The following CBR4 variants were observed in gnomAD, a reference collection of about 807,000 sequenced individuals.
CBR4 encodes 3-oxoacyl-[acyl-carrier-protein] reductase.
Under a neutral mutation model 21.0 loss-of-function variants are expected in CBR4, and 22 were observed. The ratio of observed to expected loss-of-function variants is 1.05; its 90% confidence interval spans 0.75 to 1.50. CBR4 has a LOEUF of 1.50. CBR4 is among the 40% of genes most tolerant of loss of function. The pLI, the probability that CBR4 is intolerant of heterozygous loss-of-function variation, is 0.00. For missense variants in CBR4, 302 were observed against 286.3 expected, an observed-to-expected ratio of 1.05 and a Z score of -0.40; for synonymous variants, 100 against 104.4, an observed-to-expected ratio of 0.96 and a Z score of 0.26.
At chr4:168,981,125 C>T (rs1405123222) in intron 2 of CBR4, among the ~76,000 whole-genome samples, 1 of 151,936 alleles carries the variant, frequency 6.6e-6, no homozygotes. Context: ...CCAGGCCAGG[C>T]GTGGTGGCTC....
At chr4:168,947,955 T>C (rs1037604106) in intron 2 of CBR4, among the ~76,000 whole-genome samples, 8 of 152,226 alleles carry the variant, frequency 5.3e-5, no homozygotes, top group African/African-American at 1.9e-4. Flanking sequence ...ATCTCCACAC[T>C]GTTTTTCATA....
At chr4:168,966,257 T>C (rs1764022099) in intron 2 of CBR4, among the ~76,000 whole-genome samples, 1 of 150,066 alleles carries the variant, frequency 6.7e-6, no homozygotes, top group Non-Finnish European at 1.5e-5. Flanking sequence ...CTCACGACTG[T>C]AATCCTAGCA....
Position 169,002,212 on chromosome 4 carries a change from CAAAAAAAAAAAAA to C in CBR4, c.401-20_401-8del, listed in dbSNP as rs60552620. 57 of 1,016,906 alleles carry C rather than the reference CAAAAAAAAAAAAA, an allele frequency of 5.6e-5. No homozygotes were observed. Among genetic ancestry groups the C allele is most frequent in the Admixed American group, 2.2e-4 (3 of 13,574 alleles). 63.0% of individuals were successfully genotyped at this position (1,016,906 alleles called of 1,614,324 possible). ...TTTAAGCCAACAATGCTTCCTAGGA[CAAAAAAAAAAAAA>C]AAAAAAAAAAAAGCGTATTAAATTC... On this transcript the variant is annotated splice_region_variant and splice_polypyrimidine_tract_variant and intron_variant, in intron 3 of 4. Transcript: ENST00000306193.
At chr4:168,916,664 A>C (rs1760164285) in intron 2 of CBR4, among the ~76,000 whole-genome samples, 1 of 147,534 alleles carries the variant, frequency 6.8e-6, no homozygotes, top group Admixed American at 6.8e-5. Context: ...TCTGACTTTT[A>C]TTCCTCCCAT....
intron 2 of CBR4, among the ~76,000 whole-genome samples, chr4:168,945,629 C>G (rs981199187): frequency 2.0e-5 from 3 of 151,948 alleles, no homozygotes; most frequent in Non-Finnish European, 2.9e-5. Context: ...TGAGGATTAT[C>G]TGATGGGAAA....
At chr4:168,996,410 T>C (rs1330372055) in intron 4 of CBR4, among the ~76,000 whole-genome samples, 1 of 118,772 alleles carries the variant, frequency 8.4e-6, no homozygotes, top group Non-Finnish European at 1.7e-5. Flanking sequence ...CCTTTTCACA[T>C]CACCCCCCCC....
chr4:168,990,807 C>G (rs1022004547), intron 4 of CBR4, among the ~76,000 whole-genome samples: 1 of 151,690 alleles, frequency 6.6e-6, no homozygotes, highest in Non-Finnish European at 1.5e-5. Flanking sequence ...AATCCCAGCA[C>G]TTTGGGAGGC....
intron 2 of CBR4, among the ~76,000 whole-genome samples, chr4:168,914,889 C>G (rs952140): frequency 0.15 from 22,711 of 152,210 alleles, 2,052 homozygotes; most frequent in African/African-American, 0.25. Flanking sequence ...GAAGACAGTT[C>G]TGGCACCAGA....
At chr4:168,935,769 C>T (rs1650521667) in intron 2 of CBR4, among the ~76,000 whole-genome samples, 1 of 152,216 alleles carries the variant, frequency 6.6e-6, no homozygotes, top group Non-Finnish European at 1.5e-5. Context: ...CAGTCAGGGG[C>T]TCATAGGGAA....
At position 168,959,561 on chromosome 4, in the gene CBR4, C is replaced by CT. The variant is rs750848079; in HGVS notation, n.169+42509dup. 7.6e-3 allele frequency among the ~76,000 whole-genome samples: 387 copies of CT among 50,856 alleles called. 4 individuals are homozygous for CT. The highest frequency in any genetic ancestry group is 0.011 in the Non-Finnish European group (239 of 22,536). The allele number at this position is 50,856 out of a possible 152,430, so 33.4% of individuals were successfully genotyped here. On this transcript the variant is annotated intron_variant and non_coding_transcript_variant, in intron 2 of 3. Coordinates refer to the CBR4 transcript ENST00000509108. ...AATTTTTAAATCAGCTTATCAATTT[C>CT]TTTTTTTTTTTTTTTTTTTTTGGAG...
intron 2 of CBR4, 150 bp downstream of exon 2, chr4:169,007,486 G>C: frequency 2.3e-6 from 1 of 425,750 alleles, no homozygotes; most frequent in Non-Finnish European, 3.9e-6. Context: ...CAATATAAAG[G>C]AAAATAATTT....
At chr4:168,915,808 C>A in intron 2 of CBR4, 1 of 982,506 alleles carries the variant, frequency 1.0e-6, no homozygotes, top group Non-Finnish European at 1.6e-6. Context: ...ATTATTACCC[C>A]ATGTATTTTA....
At chr4:168,957,809 C>G in intron 2 of CBR4, among the ~76,000 whole-genome samples, 1 of 152,122 alleles carries the variant, frequency 6.6e-6, no homozygotes, top group East Asian at 1.9e-4. Context: ...GTGGAAGGGA[C>G]CCAGTGGGAG....
chr4:168,924,271 A>C lies in CBR4; in HGVS notation n.170-29506T>G, dbSNP rs1762156940. On this transcript the variant is annotated intron_variant and non_coding_transcript_variant, in intron 2 of 3. Coordinates refer to the CBR4 transcript ENST00000509108. Reference sequence around the variant, plus strand: ...TTTTCTTAGCTAAAGAAGCACACAAACCCCCTGTGTTTATTGAGAAGCTCC... The same window carrying C: ...TTTTCTTAGCTAAAGAAGCACACAACCCCCCTGTGTTTATTGAGAAGCTCC... 1 of 1,613,660 alleles carries C rather than the reference A, an allele frequency of 6.2e-7. No homozygotes were observed. The highest frequency in any genetic ancestry group is 1.3e-5 in the African/African-American group (1 of 74,818).
chr4:168,904,248 T>C (rs1250807521), intron 2 of CBR4: 5 of 272,754 alleles, frequency 1.8e-5, no homozygotes, highest in Admixed American at 1.8e-4. Flanking sequence ...TCAGGTAGGA[T>C]TACATGAAGA....
intron 2 of CBR4, among the ~76,000 whole-genome samples, chr4:168,946,149 G>T (rs941688543): frequency 6.6e-6 from 1 of 152,130 alleles, no homozygotes. Context: ...GTTTATTACA[G>T]ACTACCATGC....
chr4:168,979,263 G>A (rs1764468178), intron 2 of CBR4, among the ~76,000 whole-genome samples: 1 of 151,730 alleles, frequency 6.6e-6, no homozygotes, highest in South Asian at 2.1e-4. Context: ...GTGGCAGCAG[G>A]CAGGCCCGCC....
chr4:168,899,903 G>A (rs904906185), intron 2 of CBR4, among the ~76,000 whole-genome samples: 6 of 151,122 alleles, frequency 4.0e-5, no homozygotes, highest in South Asian at 2.1e-4. Context: ...GGCAACAACA[G>A]TGAGACTCCG....
intron 2 of CBR4, among the ~76,000 whole-genome samples, chr4:168,978,318 G>A (rs1021365182): frequency 3.9e-5 from 6 of 152,176 alleles, no homozygotes; most frequent in Admixed American, 3.9e-4. Context: ...TTGGGGGAGG[G>A]GAGTGGCAAG....
Sources: allele counts gnomAD v4.1 joint callset (sites outside exome capture counted in the v4.1 genomes callset), GRCh38; gene constraint gnomAD v4.1.1; transcripts MANE v1.5; gene names NCBI Gene and HGNC (gene_info 2026-07-23, HGNC 2026-07-21).